Variants in RSPO2 observed in about 807,000 individuals in gnomAD.
The protein encoded by RSPO2 is R-spondin 2, also known as R-spondin-2.
In RSPO2, 14 loss-of-function variants were observed where a neutral mutation model predicts 30.9. That is an observed-to-expected ratio of 0.45 (90% CI 0.30 to 0.71). RSPO2 has a LOEUF of 0.71. Among genes scored for constraint, RSPO2 ranks in the 30% least tolerant of loss-of-function variants. The pLI, the probability that RSPO2 is intolerant of heterozygous loss-of-function variation, is 0.08. For synonymous variants in RSPO2, 107 were observed against 96.4 expected (o/e 1.11, Z -0.64); for missense variants, 264 against 301.9 (o/e 0.87, Z 0.93).
At chr8:107,972,836 A>C (rs1456322943) in intron 3 of RSPO2, among the ~76,000 whole-genome samples, 2 of 152,214 alleles carry the variant, frequency 1.3e-5, no homozygotes, top group Non-Finnish European at 2.9e-5. Context: ...TTACTGTCAG[A>C]GCTCAAATCA....
chr8:108,018,336 C>T (rs1365702777), intron 2 of RSPO2, among the ~76,000 whole-genome samples: 2 of 152,150 alleles, frequency 1.3e-5, no homozygotes, highest in African/African-American at 4.8e-5. Context: ...TGACACATGG[C>T]ACTTGTAATA....
chr8:107,900,447 A>AT lies in RSPO2; in HGVS notation c.*627dup, dbSNP rs1586521162. ...GAACCACTAGAAACAAAGTGGCATCATATTAATCAGGTATGACTTGTTACC... is the reference window on the plus strand; with the variant it reads ...GAACCACTAGAAACAAAGTGGCATCATTATTAATCAGGTATGACTTGTTACC... On this transcript the variant is annotated 3_prime_UTR_variant, in exon 6 of 6. Coordinates refer to ENST00000276659, the MANE Select transcript of RSPO2 (RefSeq NM_178565.5). The AT allele has an allele frequency of 1.3e-5, 2 of 152,616 alleles. No individual in the cohort carries two copies. The highest frequency in any genetic ancestry group is 4.8e-5 in the African/African-American group (2 of 41,460). 9.5% of individuals were successfully genotyped at this position (152,616 alleles called of 1,614,324 possible).
At chr8:107,962,225 T>A (rs1194784778) in intron 3 of RSPO2, among the ~76,000 whole-genome samples, 5 of 151,600 alleles carry the variant, frequency 3.3e-5, no homozygotes, top group African/African-American at 1.2e-4. Flanking sequence ...AAAAAAAAAA[T>A]GTAGCCAAAA....
At chr8:108,056,825 G>C (rs572264675) in intron 2 of RSPO2, among the ~76,000 whole-genome samples, 347 of 151,100 alleles carry the variant, frequency 2.3e-3, no homozygotes, top group African/African-American at 7.7e-3. Context: ...GGAGGCCAAG[G>C]GGGGTGGATC....
intron 2 of RSPO2, among the ~76,000 whole-genome samples, chr8:108,030,823 T>C (rs1316591369): frequency 6.6e-6 from 1 of 152,196 alleles, no homozygotes; most frequent in Non-Finnish European, 1.5e-5. Context: ...TTGTTCCTTT[T>C]CTTATATTTC....
chr8:107,960,375 T>G (rs1038226750), intron 4 of RSPO2, among the ~76,000 whole-genome samples: 2 of 152,086 alleles, frequency 1.3e-5, no homozygotes, highest in Admixed American at 1.3e-4. Context: ...AATGTTTTTC[T>G]CTAACAGTTA....
intron 3 of RSPO2, among the ~76,000 whole-genome samples, chr8:107,964,311 C>T (rs939830620): frequency 7.2e-5 from 11 of 152,226 alleles, no homozygotes; most frequent in Non-Finnish European, 1.6e-4. Flanking sequence ...GGCACAATCT[C>T]GGCTCACTGC....
intron 2 of RSPO2, among the ~76,000 whole-genome samples, chr8:108,060,894 A>T (rs1265768992): frequency 1.5e-5 from 2 of 137,450 alleles, no homozygotes; most frequent in Non-Finnish European, 1.5e-5. Flanking sequence ...ATTCTTAAAG[A>T]AAAGAATTTT....
rs1317419666 is a variant in RSPO2 at position 107,900,840 on chromosome 8, A to C, written c.*235T>G. ...TGCCGGGGACGGATTCTCTCAGCAC[A>C]CACTGAGCCAAGTCACGGGCTGTGC... On this transcript the variant is annotated 3_prime_UTR_variant, in exon 6 of 6. Coordinates refer to ENST00000276659, the MANE Select transcript of RSPO2 (RefSeq NM_178565.5). 9.4e-6 allele frequency: 4 copies of C among 424,188 alleles called. No individual in the cohort carries two copies. The highest frequency in any genetic ancestry group is 1.3e-5 in the Non-Finnish European group (3 of 238,614). 26.3% of individuals were successfully genotyped at this position (424,188 alleles called of 1,614,324 possible).
intron 2 of RSPO2, among the ~76,000 whole-genome samples, chr8:107,995,710 T>C (rs1814995121): frequency 6.6e-6 from 1 of 152,178 alleles, no homozygotes; most frequent in Non-Finnish European, 1.5e-5. Context: ...CTAGCTTCTA[T>C]GATAATATCT....
chr8:107,913,964 G>T (rs978453479), intron 5 of RSPO2, among the ~76,000 whole-genome samples: 2 of 152,146 alleles, frequency 1.3e-5, no homozygotes, highest in East Asian at 3.9e-4. Context: ...TAACTCAGGC[G>T]TTAAAGCATG....
chr8:107,994,919 A>G (rs991504446), intron 2 of RSPO2, among the ~76,000 whole-genome samples: 2 of 151,258 alleles, frequency 1.3e-5, no homozygotes, highest in Non-Finnish European at 3.0e-5. Flanking sequence ...AATGGCCATT[A>G]TATTTATAGC....
rs1226865988 is a variant in RSPO2, at chr8:107,899,778, A to AATG, written c.*1294_*1296dup. The AATG allele has an allele frequency of 2.0e-5, 3 of 152,338 alleles. No homozygotes were observed. The East Asian group carries it at 5.8e-4, about 29-fold the overall frequency. The allele number at this position is 152,338 out of a possible 1,614,324, so 9.4% of individuals were successfully genotyped here. A position where few individuals can be genotyped will look rare whatever the true frequency, so the allele number is the denominator to read the frequency against. On this transcript the variant is annotated 3_prime_UTR_variant, in exon 6 of 6. Coordinates refer to ENST00000276659, the MANE Select transcript of RSPO2 (RefSeq NM_178565.5). The stretch of plus-strand genomic sequence containing the variant: ...TAAAAACTGGTTCCCCTAAAAGGAC[A>AATG]ATGATGTGTTTGAAACAACTGCTCT...
intron 3 of RSPO2, among the ~76,000 whole-genome samples, chr8:107,967,301 C>A (rs1813837458): frequency 6.6e-6 from 1 of 152,132 alleles, no homozygotes; most frequent in African/African-American, 2.4e-5. Context: ...GCTTATCTAA[C>A]AATTTCAAGT....
chr8:107,978,653 T>G (rs1814305004), intron 3 of RSPO2, among the ~76,000 whole-genome samples: 1 of 152,062 alleles, frequency 6.6e-6, no homozygotes, highest in African/African-American at 2.4e-5. Flanking sequence ...CCAAAAGCAA[T>G]GGCAACAAAA....
At chr8:107,903,891 T>C (rs773945680) in intron 5 of RSPO2, among the ~76,000 whole-genome samples, 2 of 152,008 alleles carry the variant, frequency 1.3e-5, no homozygotes, top group Non-Finnish European at 2.9e-5. Context: ...TAACTGAAAA[T>C]ATTTTGTGGT....
intron 5 of RSPO2, among the ~76,000 whole-genome samples, chr8:107,946,808 C>T (rs1271321644): frequency 6.6e-6 from 1 of 152,020 alleles, no homozygotes; most frequent in Non-Finnish European, 1.5e-5. Flanking sequence ...TAGTCAAGAC[C>T]GGCCATATAC....
chr8:107,902,335 C>A lies in RSPO2; in HGVS notation c.617-1145G>T, dbSNP rs574311766. ...TAATTCTATAAAGCTTAACTTTTCT[C>A]TTCCTGTAAGGTGTAGCTATTTGAC... is the stretch of plus-strand genomic sequence containing the variant. On this transcript the variant is annotated intron_variant, in intron 5 of 5. Transcript: ENST00000276659. Among the ~76,000 whole-genome samples the A allele has an allele frequency of 9.8e-4, 149 of 152,278 alleles. 1 individual carries two copies. The highest frequency in any genetic ancestry group is 8.8e-3 in the Admixed American group (135 of 15,300).
At chr8:108,076,803 C>T (rs1813028383) in intron 2 of RSPO2, among the ~76,000 whole-genome samples, 1 of 152,076 alleles carries the variant, frequency 6.6e-6, no homozygotes, top group African/African-American at 2.4e-5. Context: ...AATTAAAGGA[C>T]TTTATGTAGA....
Sources: gnomAD v4.1 joint callset for allele counts (sites outside exome capture counted in the v4.1 genomes callset) on GRCh38, gnomAD v4.1.1 for gene constraint, MANE v1.5 for transcripts, NCBI Gene and HGNC (gene_info 2026-07-23, HGNC 2026-07-21) for gene names.